Variants in FUT8 observed in about 807,000 individuals in gnomAD.
FUT8 encodes the protein alpha-(1,6)-fucosyltransferase.
Under a neutral mutation model 71.3 loss-of-function variants are expected in FUT8, and 29 were observed. The ratio of observed to expected loss-of-function variants is 0.41; its 90% CI spans 0.30 to 0.55. The LOEUF (loss-of-function observed/expected upper bound fraction) is 0.55, where lower values mean the gene tolerates loss of function less well. Ranked by LOEUF, FUT8 falls within the 20% of genes least tolerant of loss-of-function variation. The pLI is 0.34. For synonymous variants in FUT8, 254 were observed against 239.3 expected, an observed-to-expected ratio of 1.06 and a Z score of -0.57; for missense variants, 544 against 702.1, an observed-to-expected ratio of 0.77 and a Z score of 2.55.
At chr14:65,374,751 C>G in the FUT8 span, among the ~76,000 whole-genome samples, 7 of 143,824 alleles carry the variant, frequency 4.9e-5, no homozygotes, top group African/African-American at 1.5e-4. Context: ...TGTGCCACCA[C>G]GCCTGGCTAA....
intron 2 of FUT8, chr14:65,471,115 G>T: frequency 2.2e-6 from 1 of 459,354 alleles, no homozygotes. Flanking sequence ...GTAGAGGGAT[G>T]AGGGGGAAAG....
chr14:65,468,064 C>A, intron 2 of FUT8: 1 of 654,614 alleles, frequency 1.5e-6, no homozygotes, highest in Non-Finnish European at 2.8e-6. Context: ...TGTTTGTTGA[C>A]AAGTTGTTTA....
At chr14:65,513,490 T>C (rs1459415371) in intron 2 of FUT8, among the ~76,000 whole-genome samples, 1 of 150,410 alleles carries the variant, frequency 6.6e-6, no homozygotes, top group South Asian at 2.1e-4. Context: ...TCGTGTAAAA[T>C]AGGGCCTTAA....
the FUT8 span, among the ~76,000 whole-genome samples, chr14:65,365,911 C>G: frequency 5.8e-4 from 88 of 152,108 alleles, no homozygotes; most frequent in African/African-American, 2.0e-3. Context: ...GATCTTGGCT[C>G]ACTGCAGGCT....
chr14:65,649,363 C>T (rs1328631569), intron 6 of FUT8, among the ~76,000 whole-genome samples: 8 of 152,214 alleles, frequency 5.3e-5, no homozygotes, highest in African/African-American at 9.6e-5. Context: ...ATCTTCTTCC[C>T]TTGGAGTGAT....
chr14:65,424,069 G>A (rs546672691), intron 1 of FUT8, among the ~76,000 whole-genome samples: 1 of 152,224 alleles, frequency 6.6e-6, no homozygotes, highest in South Asian at 2.1e-4. Context: ...GAGCACTTCC[G>A]GCATCACTAG....
At chr14:65,452,832 A>G (rs1443440200) in intron 1 of FUT8, among the ~76,000 whole-genome samples, 1 of 152,202 alleles carries the variant, frequency 6.6e-6, no homozygotes, top group African/African-American at 2.4e-5. Context: ...CCAACGTTCT[A>G]GTTTTTATTT....
intron 2 of FUT8, among the ~76,000 whole-genome samples, chr14:65,517,429 C>T (rs974959904): frequency 6.6e-6 from 1 of 152,086 alleles, no homozygotes. Flanking sequence ...GACACAGAAC[C>T]TGGTAGCATA....
chr14:65,655,300 C>T (rs1224644631), intron 6 of FUT8, among the ~76,000 whole-genome samples: 4 of 151,366 alleles, frequency 2.6e-5, no homozygotes, highest in East Asian at 2.0e-4. Flanking sequence ...GGTGAAACCC[C>T]GTCTCTACTA....
chr14:65,543,146 G>A (rs1400864280), intron 2 of FUT8, among the ~76,000 whole-genome samples: 2 of 152,122 alleles, frequency 1.3e-5, no homozygotes, highest in African/African-American at 4.8e-5. Flanking sequence ...TTGTGTTTAA[G>A]GACCCTGCAG....
At chr14:65,450,900 C>A (rs1191949933) in intron 1 of FUT8, among the ~76,000 whole-genome samples, 1 of 151,170 alleles carries the variant, frequency 6.6e-6, no homozygotes, top group African/African-American at 2.4e-5. Context: ...AGTCTTCCCT[C>A]TGTCGGCCAG....
the FUT8 span, among the ~76,000 whole-genome samples, chr14:65,374,392 T>A: frequency 6.6e-6 from 1 of 152,136 alleles, no homozygotes; most frequent in Non-Finnish European, 1.5e-5. Context: ...AAACATGGAT[T>A]TTTCTCTGAT....
intron 6 of FUT8, among the ~76,000 whole-genome samples, chr14:65,629,838 A>ACACACG (rs1814818870): frequency 6.6e-6 from 1 of 150,744 alleles, no homozygotes; most frequent in Non-Finnish European, 1.5e-5. Flanking sequence ...GTACACACAC[A>ACACACG]CACACACACA....
chr14:65,567,665 C>A (rs1023114857), intron 3 of FUT8, among the ~76,000 whole-genome samples: 22 of 151,830 alleles, frequency 1.4e-4, no homozygotes, highest in African/African-American at 5.3e-4. Flanking sequence ...ATCCATTATT[C>A]CTCATGTTAT....
chr14:65,385,697 C>A, the FUT8 span, among the ~76,000 whole-genome samples: 1 of 151,998 alleles, frequency 6.6e-6, no homozygotes, highest in African/African-American at 2.4e-5. Flanking sequence ...TTCACGGCAA[C>A]TATTGTATTT....
At chr14:65,699,008 C>T (rs572351321) in intron 7 of FUT8, among the ~76,000 whole-genome samples, 1 of 152,222 alleles carries the variant, frequency 6.6e-6, no homozygotes, top group Admixed American at 6.5e-5. Context: ...TTCTGTACCA[C>T]TTCTGTGTGG....
chr14:65,696,897 A>C lies in FUT8; in HGVS notation c.836-24878A>C, dbSNP rs75181240. ...TTTTTTATTTTTAGCATTTAAAAAA[A>C]ATTTTTTTTCCTTGGAGTTTCCATC... On this transcript the variant is annotated intron_variant, in intron 7 of 10. Transcript: ENST00000673929. Among the ~76,000 whole-genome samples the C allele has an allele frequency of 6.2e-3, 940 of 152,232 alleles. 10 individuals carry two copies. The highest frequency in any genetic ancestry group is 0.022 in the African/African-American group (900 of 41,544).
At chr14:65,498,537 A>G (rs988632135) in intron 2 of FUT8, among the ~76,000 whole-genome samples, 5 of 152,192 alleles carry the variant, frequency 3.3e-5, no homozygotes, top group Non-Finnish European at 7.3e-5. Context: ...TACTGAATGA[A>G]GCCAAAATAT....
At chr14:65,635,646 G>C (rs966119042) in intron 6 of FUT8, among the ~76,000 whole-genome samples, 1 of 152,120 alleles carries the variant, frequency 6.6e-6, no homozygotes. Context: ...TTATTGACTT[G>C]CGTATATTAA....
Sources: allele counts gnomAD v4.1 joint callset (sites outside exome capture counted in the v4.1 genomes callset), GRCh38; gene constraint gnomAD v4.1.1; transcripts MANE v1.5; gene names NCBI Gene and HGNC (gene_info 2026-07-23, HGNC 2026-07-21).